Variants in PRKCE observed in about 807,000 individuals in gnomAD.
PRKCE encodes the protein protein kinase C epsilon, also known as protein kinase C epsilon type.
In PRKCE, 16 loss-of-function variants were observed where a neutral mutation model predicts 85.4. The ratio of observed to expected loss-of-function variants is 0.19; its 90% CI spans 0.13 to 0.28. PRKCE has a LOEUF of 0.28. PRKCE is among the 10% of genes least tolerant of loss of function. The pLI, the probability that PRKCE is intolerant of heterozygous loss-of-function variation, is 1.00. For synonymous variants in PRKCE, 388 were observed against 371.5 expected, an observed-to-expected ratio of 1.04 and a Z score of -0.51; for missense variants, 573 against 975.2, an observed-to-expected ratio of 0.59 and a Z score of 5.49.
At chr2:46,026,029 A>G (rs548308410) in intron 10 of PRKCE, among the ~76,000 whole-genome samples, 3 of 152,352 alleles carry the variant, frequency 2.0e-5, no homozygotes, top group South Asian at 2.1e-4. Flanking sequence ...ATCAATAGAT[A>G]TGATTCTTGT....
At chr2:45,992,333 G>A (rs576083118) in intron 6 of PRKCE, among the ~76,000 whole-genome samples, 12 of 152,152 alleles carry the variant, frequency 7.9e-5, no homozygotes, top group Non-Finnish European at 1.6e-4. Context: ...GCGGCCGATC[G>A]TGGTCCCCGG....
In PRKCE at chr2:46,169,509, C is replaced by T. The variant is rs545676490; in HGVS notation, c.2067+9757C>T. 3.3e-4 allele frequency among the ~76,000 whole-genome samples: 50 copies of T among 152,264 alleles called. 1 individual carries two copies. In the South Asian group the frequency reaches 8.5e-3, roughly 26 times the overall value. ...GAGCTTGGAGATCAATGGAGTATTT[C>T]AGGTGTGAGAGCCCAGCTAGGCGTG... On this transcript the variant is annotated intron_variant, in intron 14 of 14. Coordinates refer to ENST00000306156, the MANE Select transcript of PRKCE (RefSeq NM_005400.3).
chr2:46,118,132 G>A (rs1397004150), intron 11 of PRKCE, among the ~76,000 whole-genome samples: 1 of 152,194 alleles, frequency 6.6e-6, no homozygotes, highest in Non-Finnish European at 1.5e-5. Flanking sequence ...TCAGAACCAG[G>A]CAACTCTAGA....
chr2:46,018,881 G>A (rs1706398959), intron 10 of PRKCE, among the ~76,000 whole-genome samples: 1 of 152,160 alleles, frequency 6.6e-6, no homozygotes, highest in Admixed American at 6.5e-5. Context: ...ATTCTGCATC[G>A]GGGGTTGCAG....
chr2:45,820,966 T>C (rs945889044), intron 1 of PRKCE, among the ~76,000 whole-genome samples: 3 of 150,050 alleles, frequency 2.0e-5, no homozygotes, highest in African/African-American at 7.3e-5. Context: ...TCCAGAAAAC[T>C]TGTTTGGGTC....
chr2:46,165,057 C>T (rs1245129557), intron 14 of PRKCE, among the ~76,000 whole-genome samples: 1 of 152,190 alleles, frequency 6.6e-6, no homozygotes, highest in Admixed American at 6.5e-5. Flanking sequence ...GATTTCTGCT[C>T]CCCCGGCTCC....
intron 1 of PRKCE, among the ~76,000 whole-genome samples, chr2:45,767,091 G>A (rs904798626): frequency 1.3e-5 from 2 of 151,688 alleles, no homozygotes; most frequent in Non-Finnish European, 2.9e-5. Context: ...AAAATGGCAC[G>A]GTCATGTTCT....
chr2:46,136,386 T>C (rs997925307), intron 11 of PRKCE, among the ~76,000 whole-genome samples: 4 of 152,230 alleles, frequency 2.6e-5, no homozygotes, highest in Non-Finnish European at 5.9e-5. Flanking sequence ...TTTCTGGCTG[T>C]TATTCTTAGG....
intron 1 of PRKCE, among the ~76,000 whole-genome samples, chr2:45,836,299 A>G (rs1042080959): frequency 2.0e-5 from 3 of 152,240 alleles, no homozygotes; most frequent in African/African-American, 4.8e-5. Context: ...AAGTGCTATT[A>G]TAAGCCCATT....
chr2:46,099,270 C>G (rs922531463), intron 11 of PRKCE, among the ~76,000 whole-genome samples: 1 of 152,032 alleles, frequency 6.6e-6, no homozygotes, highest in Admixed American at 6.6e-5. Flanking sequence ...CTCTTTCTAC[C>G]CCACAAGATG....
At chr2:45,817,180 C>T (rs1460444127) in intron 1 of PRKCE, among the ~76,000 whole-genome samples, 1 of 151,868 alleles carries the variant, frequency 6.6e-6, no homozygotes, top group African/African-American at 2.4e-5. Flanking sequence ...GCCTGCAACC[C>T]TAGGCCTTGT....
chr2:46,031,495 G>A (rs1270852720), intron 10 of PRKCE, among the ~76,000 whole-genome samples: 1 of 151,754 alleles, frequency 6.6e-6, no homozygotes, highest in Non-Finnish European at 1.5e-5. Flanking sequence ...ACCACGACTA[G>A]CTATTTAGAT....
intron 2 of PRKCE, among the ~76,000 whole-genome samples, chr2:45,956,482 C>A (rs1378262420): frequency 2.6e-5 from 4 of 151,342 alleles, no homozygotes; most frequent in African/African-American, 9.7e-5. Context: ...GAGTTCAAGA[C>A]CAGCCTGACC....
intron 1 of PRKCE, among the ~76,000 whole-genome samples, chr2:45,712,065 C>A (rs1200599710): frequency 6.7e-6 from 1 of 150,050 alleles, no homozygotes; most frequent in Non-Finnish European, 1.5e-5. Context: ...AGAATTACAT[C>A]TTCTCCACAC....
At position 45,935,067 on chromosome 2, in the gene PRKCE, TCA is replaced by T. The variant is rs1553453521; in HGVS notation, c.413-41337_413-41336del. On this transcript the variant is annotated intron_variant, in intron 2 of 14. Coordinates refer to ENST00000306156, the MANE Select transcript of PRKCE (RefSeq NM_005400.3). Reference sequence around the variant, plus strand: ...CAAAGCGAGACACTCACTCTCTCTCTCACACACACACACACACACACACACAT... The same window carrying T: ...CAAAGCGAGACACTCACTCTCTCTCTCACACACACACACACACACACACAT... Among the ~76,000 whole-genome samples, 1,138 of 146,234 alleles carry T rather than the reference TCA, an allele frequency of 7.8e-3. 15 individuals carry two copies. Among genetic ancestry groups the T allele is most frequent in the African/African-American group, 0.027 (1,059 of 39,192 alleles).
chr2:46,174,192 G>T (rs1176954069), intron 14 of PRKCE, among the ~76,000 whole-genome samples: 1 of 152,254 alleles, frequency 6.6e-6, no homozygotes, highest in Non-Finnish European at 1.5e-5. Flanking sequence ...TGAGGCTTGG[G>T]CAGCTTGTCC....
At chr2:45,771,361 C>T (rs72886158) in intron 1 of PRKCE, among the ~76,000 whole-genome samples, 1,645 of 152,252 alleles carry the variant, frequency 0.011, 29 homozygotes, top group African/African-American at 0.037. Context: ...GAGCAGCCTG[C>T]GGAGGAAGAG....
chr2:45,692,729 A>ACC (rs1558563065), intron 1 of PRKCE, among the ~76,000 whole-genome samples: 7 of 150,462 alleles, frequency 4.7e-5, no homozygotes, highest in Admixed American at 2.6e-4. Context: ...ACACACACAC[A>ACC]CCCATGCACA....
chr2:45,764,361 T>G (rs991834788), intron 1 of PRKCE, among the ~76,000 whole-genome samples: 11 of 152,270 alleles, frequency 7.2e-5, no homozygotes, highest in Admixed American at 2.6e-4. Flanking sequence ...GCAGAAGATT[T>G]TAGTTCAAAG....
Sources: allele counts gnomAD v4.1 joint callset (sites outside exome capture counted in the v4.1 genomes callset), GRCh38; gene constraint gnomAD v4.1.1; transcripts MANE v1.5; gene names NCBI Gene and HGNC (gene_info 2026-07-23, HGNC 2026-07-21).